TANC2: variants seen among roughly 807,000 people sequenced by gnomAD.
The protein encoded by TANC2 is tetratricopeptide repeat, ankyrin repeat and coiled-coil containing 2, also known as protein TANC2.
TANC2 carries 26 observed loss-of-function variants against 210.5 expected under a neutral mutation model. The observed-to-expected ratio is 0.12, with a 90% CI of 0.09 to 0.17. The LOEUF is 0.17. Among genes scored for constraint, TANC2 ranks in the 10% least tolerant of loss-of-function variants. The pLI is 1.00. For missense variants in TANC2, 2,129 were observed against 2,608.9 expected, an observed-to-expected ratio of 0.82 and a Z score of 4.01; for synonymous variants, 931 against 967.1, an observed-to-expected ratio of 0.96 and a Z score of 0.69.
intron 5 of TANC2, among the ~76,000 whole-genome samples, chr17:63,177,258 C>CT (rs2040617340): frequency 1.8e-5 from 2 of 109,602 alleles, no homozygotes; most frequent in Admixed American, 1.2e-4. Context: ...GAGTGAGACT[C>CT]TGTCTCAAAA....
At chr17:63,000,709 T>A (rs144170708) in intron 1 of TANC2, among the ~76,000 whole-genome samples, 79 of 152,276 alleles carry the variant, frequency 5.2e-4, no homozygotes, top group African/African-American at 1.8e-3. Context: ...CCTGAGAGAG[T>A]GAACATCTTA....
intron 14 of TANC2, among the ~76,000 whole-genome samples, chr17:63,358,976 T>TTGTGTGTGTGTGTGTGTGTGTGTGTG (rs34338483): frequency 6.8e-6 from 1 of 147,806 alleles, no homozygotes; most frequent in African/African-American, 2.5e-5. Context: ...AGATTAATAT[T>TTGTGTGTGTGTGTGTGTGTGTGTGTG]TGTGTGTGTG....
chr17:63,124,503 T>G (rs1489528686), intron 4 of TANC2, among the ~76,000 whole-genome samples: 2 of 152,228 alleles, frequency 1.3e-5, no homozygotes, highest in Non-Finnish European at 2.9e-5. Flanking sequence ...GGCAAATATT[T>G]GTATTCTGTT....
At chr17:63,072,562 T>C (rs1206942490) in intron 2 of TANC2, among the ~76,000 whole-genome samples, 1 of 152,054 alleles carries the variant, frequency 6.6e-6, no homozygotes, top group East Asian at 1.9e-4. Flanking sequence ...TAAAAAGTAT[T>C]TTCATACTGG....
rs968259502 is a variant in TANC2 at position 63,151,274 on chromosome 17, T to C, written c.327T>C (p.Pro109=). 2.0e-5 allele frequency: 20 copies of C among 985,520 alleles called. No individual in the cohort carries two copies. The African/African-American group carries it at 3.0e-4, about 15-fold the overall frequency. The allele number at this position is 985,520 out of a possible 1,614,324, so 61.0% of individuals were successfully genotyped here. The change falls in exon 5 of 28, where the codon CCT becomes CCC. Residue 109 remains proline, a synonymous_variant. Coordinates refer to ENST00000689528, the Ensembl canonical transcript of TANC2. ...TCTCTCTCTTTTTGTTCTTAGCCCC[T>C]CTGAGGAAGGCAAAGTTTGTTGAGA... is the stretch of plus-strand genomic sequence containing the variant.
chr17:63,413,780 G>A (rs2048778960), intron 25 of TANC2, 146 bp downstream of exon 25: 1 of 724,366 alleles, frequency 1.4e-6, no homozygotes. Flanking sequence ...CATATGTTGG[G>A]GATCCTGGGG....
At chr17:63,181,911 T>C (rs2040798338) in intron 5 of TANC2, among the ~76,000 whole-genome samples, 1 of 152,250 alleles carries the variant, frequency 6.6e-6, no homozygotes, top group South Asian at 2.1e-4. Context: ...CTCGTGTCAC[T>C]ACCACCCTTA....
intron 5 of TANC2, among the ~76,000 whole-genome samples, chr17:63,173,013 T>G (rs1057085190): frequency 6.6e-6 from 1 of 152,198 alleles, no homozygotes; most frequent in African/African-American, 2.4e-5. Flanking sequence ...GCGAATGGCA[T>G]ATCAGAAGGA....
chr17:63,175,042 A>G (rs2040529189), intron 5 of TANC2, among the ~76,000 whole-genome samples: 1 of 152,194 alleles, frequency 6.6e-6, no homozygotes, highest in Non-Finnish European at 1.5e-5. Flanking sequence ...TAAAATAGCA[A>G]TTTCCCCAAA....
At chr17:63,259,033 A>G (rs2043281048) in intron 8 of TANC2, among the ~76,000 whole-genome samples, 1 of 152,168 alleles carries the variant, frequency 6.6e-6, no homozygotes, top group Non-Finnish European at 1.5e-5. Flanking sequence ...CTCTATAATC[A>G]ACAAATAATG....
intron 9 of TANC2, among the ~76,000 whole-genome samples, chr17:63,294,048 C>T (rs1332648752): frequency 1.3e-5 from 2 of 152,148 alleles, no homozygotes; most frequent in Non-Finnish European, 2.9e-5. Context: ...TCTTTATAAG[C>T]CTAGATATAT....
Position 63,369,342 on chromosome 17 carries a change from T to C in TANC2, c.2583-10376T>C, listed in dbSNP as rs190195839. Among the ~76,000 whole-genome samples, 8 of 152,256 alleles carry C rather than the reference T, an allele frequency of 5.3e-5. No individual in the cohort carries two copies. In the East Asian group the frequency reaches 5.8e-4, roughly 11 times the overall value. ...GGTAGGGAATCTATCGATGATACCATAGTTTGAATACTTTCAGCTAGCTGT... is the reference window on the plus strand; with the variant it reads ...GGTAGGGAATCTATCGATGATACCACAGTTTGAATACTTTCAGCTAGCTGT... On this transcript the variant is annotated intron_variant, in intron 14 of 27. Transcript: ENST00000689528.
chr17:63,245,022 C>T (rs1206743816), intron 8 of TANC2, among the ~76,000 whole-genome samples: 1 of 152,066 alleles, frequency 6.6e-6, no homozygotes, highest in Non-Finnish European at 1.5e-5. Flanking sequence ...GTCTAGGGTA[C>T]GTCTTTATTA....
At chr17:63,343,200 G>A (rs2046295482) in intron 12 of TANC2, among the ~76,000 whole-genome samples, 2 of 152,166 alleles carry the variant, frequency 1.3e-5, no homozygotes, top group Admixed American at 1.3e-4. Context: ...TAAAAAGCAA[G>A]ACTCAACCAT....
chr17:63,408,855 G>A (rs540538864), intron 21 of TANC2, among the ~76,000 whole-genome samples: 7 of 152,244 alleles, frequency 4.6e-5, no homozygotes, highest in Non-Finnish European at 1.0e-4. Context: ...CTCTGATGTA[G>A]TTAAATATGA....
chr17:63,319,935 A>G (rs2045442075), intron 11 of TANC2, among the ~76,000 whole-genome samples: 1 of 152,202 alleles, frequency 6.6e-6, no homozygotes, highest in Non-Finnish European at 1.5e-5. Flanking sequence ...ATTTCTAAAT[A>G]CTATTCGTAT....
At chr17:63,324,745 A>G (rs553958054) in intron 11 of TANC2, among the ~76,000 whole-genome samples, 3 of 152,214 alleles carry the variant, frequency 2.0e-5, no homozygotes, top group Admixed American at 6.5e-5. Context: ...CTTGTTGTTT[A>G]TTGTTAATTT....
chr17:63,136,632 ATAG>A (rs1018152792), intron 4 of TANC2, among the ~76,000 whole-genome samples: 2 of 152,238 alleles, frequency 1.3e-5, no homozygotes, highest in African/African-American at 4.8e-5. Flanking sequence ...TAATAAACAT[ATAG>A]AAAATGCAAA....
chr17:63,165,510 C>T (rs987263764), intron 5 of TANC2, among the ~76,000 whole-genome samples: 21 of 152,172 alleles, frequency 1.4e-4, no homozygotes, highest in Non-Finnish European at 2.9e-4. Flanking sequence ...CTTCTTATAA[C>T]GGTCTGTAGG....
Sources: allele counts gnomAD v4.1 joint callset (sites outside exome capture counted in the v4.1 genomes callset), GRCh38; gene constraint gnomAD v4.1.1; transcripts MANE v1.5; gene names NCBI Gene and HGNC (gene_info 2026-07-23, HGNC 2026-07-21).